Variants in NLGN4X observed in about 807,000 individuals in gnomAD.
The protein encoded by NLGN4X is neuroligin 4 X-linked, also known as neuroligin-4, X-linked.
Under a neutral mutation model 40.3 loss-of-function variants are expected in NLGN4X, and 3 were observed. The ratio of observed to expected loss-of-function variants is 0.07; its 90% confidence interval spans 0.03 to 0.19. The LOEUF (loss-of-function observed/expected upper bound fraction) is 0.19, where lower values mean the gene tolerates loss of function less well. NLGN4X is among the 10% of genes least tolerant of loss of function. The pLI is 1.00. For missense variants in NLGN4X, 382 were observed against 708.3 expected (o/e 0.54, Z 5.23); for synonymous variants, 270 against 306.8 (o/e 0.88, Z 1.25).
chrX:6,047,873 G>A (rs1602129443), intron 2 of NLGN4X, among the ~76,000 whole-genome samples: 1 of 111,837 alleles, frequency 8.9e-6, no homozygotes, highest in African/African-American at 3.3e-5. Context: ...TGGGATCTGA[G>A]TGCAGGTGAC....
intron 2 of NLGN4X, among the ~76,000 whole-genome samples, chrX:6,150,357 C>T (rs2040138688): frequency 8.9e-6 from 1 of 112,046 alleles, no homozygotes; most frequent in African/African-American, 3.2e-5. Context: ...AAAATACAAA[C>T]GCATTCATCT....
chrX:6,033,107 C>A, intron 2 of NLGN4X, among the ~76,000 whole-genome samples: 1 of 111,328 alleles, frequency 9.0e-6, no homozygotes, highest in East Asian at 2.8e-4. Context: ...AAAGACATTT[C>A]CCACATTCTT....
intron 1 of NLGN4X, among the ~76,000 whole-genome samples, chrX:6,216,418 A>G (rs1925094656): frequency 8.9e-6 from 1 of 111,900 alleles, no homozygotes; most frequent in Non-Finnish European, 1.9e-5. Flanking sequence ...AGAGGCCACA[A>G]CTGACCACTA....
intron 1 of NLGN4X, chrX:6,187,890 G>A (rs944460369): frequency 4.5e-5 from 5 of 111,872 alleles, no homozygotes; most frequent in Non-Finnish European, 9.4e-5. Flanking sequence ...TCTTTGACTC[G>A]ACACAAAACA....
chrX:6,211,317 G>C (rs1396135375), intron 1 of NLGN4X, among the ~76,000 whole-genome samples: 1 of 111,382 alleles, frequency 9.0e-6, no homozygotes, highest in East Asian at 2.8e-4. Flanking sequence ...GGCGGGAGGG[G>C]TGTGGAGTAA....
intron 1 of NLGN4X, among the ~76,000 whole-genome samples, chrX:6,201,464 C>T (rs1923609715): frequency 9.0e-6 from 1 of 111,699 alleles, no homozygotes; most frequent in Non-Finnish European, 1.9e-5. Flanking sequence ...AGATAGTAGT[C>T]TTACATAATC....
At position 5,892,441 on chromosome X, in the gene NLGN4X, G is replaced by T; in HGVS notation, c.*376C>A. Reference sequence around the variant, plus strand: ...CCATTGTAATTAAAAAATATCAAGTGTCCTTGGCTGAGTTTCAGAAGTGTC... The same window carrying T: ...CCATTGTAATTAAAAAATATCAAGTTTCCTTGGCTGAGTTTCAGAAGTGTC... On this transcript the variant is annotated 3_prime_UTR_variant, in exon 6 of 6. Transcript: ENST00000381095. 4.5e-6 allele frequency: 1 copy of T among 220,747 alleles called. No homozygotes were observed. Among genetic ancestry groups the T allele is most frequent in the Non-Finnish European group, 8.3e-6 (1 of 120,593 alleles). The allele number at this position is 220,747 out of a possible 1,213,427, so 18.2% of individuals were successfully genotyped here.
At chrX:5,907,962 A>G in intron 4 of NLGN4X, among the ~76,000 whole-genome samples, 1 of 96,540 alleles carries the variant, frequency 1.0e-5, no homozygotes, top group Non-Finnish European at 2.1e-5. Flanking sequence ...GATAGTGAGT[A>G]AGAGAGTGGG....
At chrX:5,949,653 G>A (rs1343930298) in intron 3 of NLGN4X, among the ~76,000 whole-genome samples, 2 of 111,865 alleles carry the variant, frequency 1.8e-5, no homozygotes, top group East Asian at 2.8e-4. Flanking sequence ...GAATATAGAT[G>A]AAAACTCGCA....
chrX:5,971,572 C>T (rs1408961733), intron 3 of NLGN4X, among the ~76,000 whole-genome samples: 1 of 111,662 alleles, frequency 9.0e-6, no homozygotes, highest in African/African-American at 3.3e-5. Flanking sequence ...CAGAGAAATG[C>T]CTTCAAATGG....
At chrX:6,017,777 A>G (rs2147178619) in intron 3 of NLGN4X, among the ~76,000 whole-genome samples, 1 of 111,815 alleles carries the variant, frequency 8.9e-6, no homozygotes, top group South Asian at 3.8e-4. Flanking sequence ...ACACAATCAC[A>G]AGGGCAAACA....
At chrX:5,994,939 A>G (rs182240021) in intron 3 of NLGN4X, among the ~76,000 whole-genome samples, 339 of 112,896 alleles carry the variant, frequency 3.0e-3, no homozygotes, top group Admixed American at 5.6e-3. Context: ...AGTAGTTAGT[A>G]AATCAATGTC....
chrX:6,046,460 C>T (rs1190202961), intron 2 of NLGN4X, among the ~76,000 whole-genome samples: 1 of 110,484 alleles, frequency 9.1e-6, no homozygotes, highest in Non-Finnish European at 1.9e-5. Flanking sequence ...GTACCATTAG[C>T]TAAAAATTTG....
chrX:6,001,247 AT>A (rs1248633530), intron 3 of NLGN4X, among the ~76,000 whole-genome samples: 2 of 111,711 alleles, frequency 1.8e-5, no homozygotes, highest in East Asian at 5.6e-4. Context: ...GCCAAACCAT[AT>A]CACCATGCCA....
intron 1 of NLGN4X, among the ~76,000 whole-genome samples, chrX:6,156,911 A>T (rs1407151133): frequency 9.6e-6 from 1 of 104,056 alleles, no homozygotes; most frequent in African/African-American, 4.0e-5. Context: ...TGTTTAAGGT[A>T]AAAAAAAATG....
At chrX:5,941,952 TTAAATTA>T (rs1054153220) in intron 3 of NLGN4X, among the ~76,000 whole-genome samples, 3 of 111,840 alleles carry the variant, frequency 2.7e-5, no homozygotes, top group Non-Finnish European at 5.6e-5. Context: ...GTTGAGTCTT[TTAAATTA>T]AAAAGGACAA....
chrX:5,959,491 A>G (rs1327913650), intron 3 of NLGN4X, among the ~76,000 whole-genome samples: 14 of 112,179 alleles, frequency 1.2e-4, no homozygotes, highest in Non-Finnish European at 1.9e-5. Context: ...CATGCTAATG[A>G]CAAAAGGCTG....
intron 3 of NLGN4X, among the ~76,000 whole-genome samples, chrX:5,948,190 G>A (rs1271469054): frequency 8.9e-6 from 1 of 111,787 alleles, no homozygotes. Flanking sequence ...TTTCCTGTGG[G>A]AATATATGCT....
intron 3 of NLGN4X, among the ~76,000 whole-genome samples, chrX:5,935,694 G>A (rs1247952640): frequency 9.0e-6 from 1 of 111,662 alleles, no homozygotes; most frequent in African/African-American, 3.3e-5. Flanking sequence ...TCCAGCTTCT[G>A]AAAGAGTTAA....
Sources: gnomAD v4.1 joint callset for allele counts (sites outside exome capture counted in the v4.1 genomes callset) on GRCh38, gnomAD v4.1.1 for gene constraint, MANE v1.5 for transcripts, NCBI Gene and HGNC (gene_info 2026-07-23, HGNC 2026-07-21) for gene names.